The following DZIP3 variants were observed in gnomAD, a reference collection of about 807,000 sequenced individuals.
DZIP3 encodes the protein E3 ubiquitin-protein ligase DZIP3.
In DZIP3, 118 loss-of-function variants were observed where a neutral mutation model predicts 162.0. The observed-to-expected ratio is 0.73, with a 90% CI of 0.63 to 0.85. The LOEUF is 0.85. Among genes scored for constraint, DZIP3 ranks in the 40% least tolerant of loss-of-function variants. The pLI is 0.00. For synonymous variants in DZIP3, 438 were observed against 458.6 expected (o/e 0.96, Z 0.57); for missense variants, 1,331 against 1,407.0 (o/e 0.95, Z 0.86).
intron 27 of DZIP3, 34 bp downstream of exon 27, chr3:108,684,375 A>C: frequency 6.3e-7 from 1 of 1,594,448 alleles, no homozygotes; most frequent in Middle Eastern, 1.7e-4. Context: ...GATGTTAATT[A>C]GTTTTTTTAT....
intron 1 of DZIP3, among the ~76,000 whole-genome samples, chr3:108,601,970 C>T (rs1193401418): frequency 1.3e-5 from 2 of 152,152 alleles, no homozygotes; most frequent in Non-Finnish European, 2.9e-5. Flanking sequence ...TGAGATTGAG[C>T]TTCATCTCCC....
chr3:108,686,710 C>T, intron 28 of DZIP3, 126 bp downstream of exon 28: 1 of 1,171,340 alleles, frequency 8.5e-7, no homozygotes, highest in Non-Finnish European at 1.1e-6. Context: ...GTTTCCTTAC[C>T]TTGACCTTGG....
chr3:108,626,334 G>A (rs945191045), intron 7 of DZIP3, among the ~76,000 whole-genome samples: 1 of 152,126 alleles, frequency 6.6e-6, no homozygotes, highest in African/African-American at 2.4e-5. Context: ...TTCACTTCAT[G>A]AGGATTTTGC....
rs774968379 is a variant in DZIP3 at position 108,644,373 on chromosome 3, C to G, written c.1351C>G (p.Leu451Val). The change falls in exon 14 of 33, where the codon CTG becomes GTG. Residue 451 changes from leucine to valine, a missense_variant. Physicochemically the swap from Leu to Val is conservative, Grantham distance 32. This residue lies in a region of DZIP3 where 1,278 missense variants were observed against 1,317.1 expected (regional missense o/e 0.97). Transcript: ENST00000361582. ...TCATCCTTTGGGTGGATCATGGCAT[C>G]TGCTTTATCCTCCTAACAAGGAGTT... is the stretch of plus-strand genomic sequence containing the variant. ...TNHPLGGSWH[L>V]LYPPNKELPQ... 6 of 1,614,092 alleles carry G rather than the reference C, an allele frequency of 3.7e-6. No homozygotes were observed. In the Admixed American group the frequency reaches 1.0e-4, roughly 27 times the overall value.
rs997550049 is a variant in DZIP3 at position 108,688,517 on chromosome 3, C to T, written c.3271-76C>T. On this transcript the variant is annotated intron_variant, in intron 29 of 32. Transcript: ENST00000361582. ...CCTTTTGCTAGTTCTTACTATACCCCGTTCTGTACTAATGTTTCAGCTCTT... is the reference window on the plus strand; with the variant it reads ...CCTTTTGCTAGTTCTTACTATACCCTGTTCTGTACTAATGTTTCAGCTCTT... 39 of 1,471,374 alleles carry T rather than the reference C, an allele frequency of 2.7e-5. No homozygotes were observed. In the African/African-American group the frequency reaches 2.7e-4, roughly 10 times the overall value. 91.1% of individuals were successfully genotyped at this position (1,471,374 alleles called of 1,614,324 possible).
intron 21 of DZIP3, 109 bp downstream of exon 21, chr3:108,662,366 A>C: frequency 7.7e-7 from 1 of 1,306,120 alleles, no homozygotes; most frequent in Non-Finnish European, 1.0e-6. Flanking sequence ...CACATTAGGA[A>C]CCTCAACCAC....
chr3:108,692,951 T>C (rs952004362), intron 32 of DZIP3, among the ~76,000 whole-genome samples: 4 of 150,226 alleles, frequency 2.7e-5, no homozygotes, highest in Admixed American at 6.7e-5. Context: ...ATAAAACTTA[T>C]ATTAAATGAA....
At chr3:108,597,168 C>T (rs1418348669) in intron 1 of DZIP3, among the ~76,000 whole-genome samples, 2 of 152,140 alleles carry the variant, frequency 1.3e-5, no homozygotes, top group Non-Finnish European at 2.9e-5. Flanking sequence ...TTTTCTTTCA[C>T]AAGTATCAAG....
chr3:108,673,499 AGT>A (rs1416285576), intron 23 of DZIP3, among the ~76,000 whole-genome samples: 2 of 151,990 alleles, frequency 1.3e-5, no homozygotes, highest in Non-Finnish European at 2.9e-5. Context: ...GCTGTCCAAC[AGT>A]GTATTTTAGT....
Position 108,636,726 on chromosome 3 carries a change from TC to T in DZIP3, c.1011+20del, listed in dbSNP as rs781289945. The T allele has an allele frequency of 2.7e-4, 368 of 1,378,814 alleles. No homozygotes were observed. Among genetic ancestry groups the T allele is most frequent in the Non-Finnish European group, 3.3e-4 (355 of 1,063,132 alleles). 85.4% of individuals were successfully genotyped at this position (1,378,814 alleles called of 1,614,324 possible). On this transcript the variant is annotated intron_variant, in intron 11 of 32. Transcript: ENST00000361582. ...AAATTTTGGTGAGTATCTTGTTTTGTCCTTTTTTTTTTTTCTTGCTTTCCTT... is the reference window on the plus strand; with the variant it reads ...AAATTTTGGTGAGTATCTTGTTTTGTCTTTTTTTTTTTTCTTGCTTTCCTT...
chr3:108,645,316 G>A (rs1191454987), intron 14 of DZIP3, among the ~76,000 whole-genome samples: 1 of 152,154 alleles, frequency 6.6e-6, no homozygotes, highest in Non-Finnish European at 1.5e-5. Context: ...TGTAAGTACT[G>A]TGTGGTTTCA....
intron 29 of DZIP3, 52 bp from the exon 30 acceptor site, chr3:108,688,541 T>G: frequency 6.4e-7 from 1 of 1,572,420 alleles, no homozygotes; most frequent in Admixed American, 1.8e-5. Flanking sequence ...GTTTCAGCTC[T>G]TACTGTTTTA....
At chr3:108,634,064 TA>T (rs138323561) in intron 9 of DZIP3, among the ~76,000 whole-genome samples, 30,600 of 151,114 alleles carry the variant, frequency 0.2, 3,686 homozygotes, top group East Asian at 0.45. Context: ...GACAATACTC[TA>T]AAAAAAATAA....
At chr3:108,614,542 C>G (rs1048231871) in intron 4 of DZIP3, among the ~76,000 whole-genome samples, 1 of 152,152 alleles carries the variant, frequency 6.6e-6, no homozygotes. Flanking sequence ...CATTGCCCCC[C>G]CATACCAATT....
chr3:108,644,616 A>G lies in DZIP3; in HGVS notation c.1594A>G (p.Lys532Glu). 1 of 1,614,060 alleles carries G rather than the reference A, an allele frequency of 6.2e-7. No individual in the cohort carries two copies. ...GTCACAGTTCAATTCAATTTGGAAA[A>G]AAGTTTCAGATATTCTTCTGCGCCT... Reference protein sequence around the residue: ...TESQFNSIWKKVSDILLRLGM... With the variant: ...TESQFNSIWKEVSDILLRLGM... The change falls in exon 14 of 33, where the codon AAA (lysine) becomes GAA (glutamate). Residue 532 changes from lysine (K) to glutamate (E), a missense_variant. This residue lies in a region of DZIP3 where 1,278 missense variants were observed against 1,317.1 expected (regional missense o/e 0.97). Coordinates refer to ENST00000361582, the MANE Select transcript of DZIP3 (RefSeq NM_014648.4).
intron 23 of DZIP3, among the ~76,000 whole-genome samples, chr3:108,673,155 A>G (rs1396109700): frequency 6.6e-6 from 1 of 151,966 alleles, no homozygotes; most frequent in Non-Finnish European, 1.5e-5. Flanking sequence ...GTGTGTATGT[A>G]ATTTTTATTT....
At chr3:108,647,371 A>T (rs1045327411) in intron 15 of DZIP3, among the ~76,000 whole-genome samples, 3 of 151,770 alleles carry the variant, frequency 2.0e-5, no homozygotes, top group Admixed American at 1.3e-4. Context: ...AATTATACTT[A>T]AAAAAAACAC....
At chr3:108,616,397 T>G in intron 4 of DZIP3, 144 bp from the exon 5 acceptor site, 1 of 477,080 alleles carries the variant, frequency 2.1e-6, no homozygotes, top group Non-Finnish European at 3.6e-6. Flanking sequence ...GTGTATCTGG[T>G]TGGTATGGAT....
intron 9 of DZIP3, among the ~76,000 whole-genome samples, chr3:108,634,343 A>G (rs1437967585): frequency 6.6e-6 from 1 of 152,164 alleles, no homozygotes; most frequent in Non-Finnish European, 1.5e-5. Flanking sequence ...AATTTTTGTC[A>G]TCAAAGCAAA....
Sources: allele counts gnomAD v4.1 joint callset (sites outside exome capture counted in the v4.1 genomes callset), GRCh38; gene constraint gnomAD v4.1.1; regional missense constraint gnomAD v4.1.1; transcripts MANE v1.5; gene names NCBI Gene and HGNC (gene_info 2026-07-23, HGNC 2026-07-21).